Variants in LARP4B observed in about 807,000 individuals in gnomAD.
LARP4B encodes La ribonucleoprotein 4B, also known as la-related protein 4B.
A neutral mutation model predicts 89.8 loss-of-function variants in LARP4B; 12 were observed. The observed-to-expected ratio is 0.13, with a 90% confidence interval of 0.09 to 0.22. The LOEUF (loss-of-function observed/expected upper bound fraction) is 0.22. Ranked by LOEUF, LARP4B falls within the 10% of genes least tolerant of loss-of-function variation. LARP4B has a pLI of 1.00. For missense variants in LARP4B, 757 were observed against 947.7 expected (o/e 0.80, Z 2.64); for synonymous variants, 367 against 363.3 (o/e 1.01, Z -0.12).
intron 13 of LARP4B, among the ~76,000 whole-genome samples, chr10:824,484 C>A (rs1564384322): frequency 6.6e-6 from 1 of 151,116 alleles, no homozygotes; most frequent in Non-Finnish European, 1.5e-5. Flanking sequence ...CGGAGTGAGA[C>A]CCTGTCTTAA....
intron 3 of LARP4B, among the ~76,000 whole-genome samples, chr10:871,016 T>A (rs1835174143): frequency 6.6e-6 from 1 of 152,240 alleles, no homozygotes; most frequent in Non-Finnish European, 1.5e-5. Context: ...GGAGAGTACA[T>A]CCTGACTTGG....
intron 1 of LARP4B, among the ~76,000 whole-genome samples, chr10:886,443 CTGAG>C (rs1396175397): frequency 6.6e-6 from 1 of 152,166 alleles, no homozygotes; most frequent in Non-Finnish European, 1.5e-5. Flanking sequence ...ATTATCCTTT[CTGAG>C]TATTTATCCA....
chr10:874,756 A>G (rs1835390340), intron 3 of LARP4B, among the ~76,000 whole-genome samples: 1 of 152,202 alleles, frequency 6.6e-6, no homozygotes. Flanking sequence ...TAACATTTTT[A>G]TGATAAAAAG....
the LARP4B span, among the ~76,000 whole-genome samples, chr10:938,548 C>T: frequency 1.4e-4 from 22 of 152,286 alleles, no homozygotes; most frequent in Non-Finnish European, 2.2e-4. Flanking sequence ...CCACCGCGCC[C>T]GGCCGAATTG....
chr10:869,339 G>A (rs1337072943), intron 3 of LARP4B, among the ~76,000 whole-genome samples: 1 of 152,008 alleles, frequency 6.6e-6, no homozygotes, highest in Admixed American at 6.6e-5. Context: ...GCCCTCAAAG[G>A]GCTCTGACAA....
In LARP4B at chr10:818,040, G is replaced by C. The variant is rs1832155988; in HGVS notation, c.1531-151C>G. 1.4e-5 allele frequency: 10 copies of C among 708,642 alleles called. 1 individual carries two copies. In the South Asian group the frequency reaches 1.8e-4, roughly 12 times the overall value. 43.9% of individuals were successfully genotyped at this position (708,642 alleles called of 1,614,324 possible). The stretch of plus-strand genomic sequence containing the variant: ...CTCACTCAATTGAAGGTTCTCCCAA[G>C]CAACTTCAACCATCTAGAGCAGAGC... On this transcript the variant is annotated intron_variant, in intron 14 of 17. Transcript: ENST00000316157.
upstream of LARP4B, among the ~76,000 whole-genome samples, chr10:934,940 G>A (rs966458694): frequency 6.6e-6 from 1 of 152,126 alleles, no homozygotes; most frequent in Admixed American, 6.5e-5. Context: ...TCCTTAAAAA[G>A]CTTCATCACC....
intron 13 of LARP4B, 170 bp from the exon 14 acceptor site, chr10:821,015 CA>C (rs1278350231): frequency 6.5e-6 from 4 of 613,368 alleles, no homozygotes; most frequent in Non-Finnish European, 1.1e-5. Flanking sequence ...GAAGCGTAAG[CA>C]GAACAACACA....
intron 3 of LARP4B, among the ~76,000 whole-genome samples, chr10:874,481 C>A (rs2131892123): frequency 6.6e-6 from 1 of 152,330 alleles, no homozygotes; most frequent in Non-Finnish European, 1.5e-5. Context: ...TGGTGAAAAA[C>A]AGGCGTTGTC....
intron 15 of LARP4B, chr10:815,726 A>G (rs1202318341): frequency 2.6e-5 from 4 of 152,242 alleles, no homozygotes; most frequent in African/African-American, 4.8e-5. Flanking sequence ...TACATATGGC[A>G]TGTGATGATA....
intron 1 of LARP4B, among the ~76,000 whole-genome samples, chr10:915,494 C>CA (rs1313018856): frequency 2.0e-5 from 3 of 152,000 alleles, no homozygotes; most frequent in Non-Finnish European, 2.9e-5. Context: ...AACTGAGTAT[C>CA]AAAAAAGAGA....
rs1488802144 is a variant in LARP4B at position 822,992 on chromosome 10, G to A, written c.1484+2073C>T. On this transcript the variant is annotated intron_variant, in intron 13 of 17. Coordinates refer to ENST00000316157, the MANE Select transcript of LARP4B (RefSeq NM_015155.3). The surrounding 1 kb of genome is among the most constrained non-coding windows in gnomAD (Gnocchi z 4.6). ...AAAACAAACCCTCCCAAAAAGGGGA[G>A]GTGGAGGCATGGCTGCTGTGGATCA... Among the ~76,000 whole-genome samples, 2 of 152,224 alleles carry A rather than the reference G, an allele frequency of 1.3e-5. No individual in the cohort carries two copies. The highest frequency in any genetic ancestry group is 2.9e-5 in the Non-Finnish European group (2 of 68,036).
the LARP4B span, among the ~76,000 whole-genome samples, chr10:965,270 C>A: frequency 6.6e-6 from 1 of 152,196 alleles, no homozygotes; most frequent in South Asian, 2.1e-4. Flanking sequence ...CTCAGCGGAA[C>A]GTCCCAAGGA....
chr10:862,800 G>A (rs1343647383), intron 5 of LARP4B, among the ~76,000 whole-genome samples: 1 of 151,930 alleles, frequency 6.6e-6, no homozygotes, highest in Non-Finnish European at 1.5e-5. Flanking sequence ...TGCATTTCCA[G>A]TAACGTGTGG....
At chr10:958,080 A>G in the LARP4B span, among the ~76,000 whole-genome samples, 1 of 152,154 alleles carries the variant, frequency 6.6e-6, no homozygotes, top group Non-Finnish European at 1.5e-5. Context: ...TACAGGCGTG[A>G]GCCACGATGC....
intron 5 of LARP4B, among the ~76,000 whole-genome samples, chr10:851,541 GA>G (rs771226587): frequency 5.3e-5 from 8 of 152,172 alleles, no homozygotes; most frequent in Non-Finnish European, 1.2e-4. Flanking sequence ...GACTGATTGG[GA>G]TTATAAAGAA....
intron 3 of LARP4B, among the ~76,000 whole-genome samples, chr10:867,418 G>A (rs181872041): frequency 1.1e-4 from 16 of 152,158 alleles, no homozygotes; most frequent in Admixed American, 6.5e-4. Context: ...AAGCAATTGC[G>A]TTCAGCAAAA....
At chr10:964,837 AGACAGCTCAG>A in the LARP4B span, among the ~76,000 whole-genome samples, 1 of 152,204 alleles carries the variant, frequency 6.6e-6, no homozygotes, top group Admixed American at 6.5e-5. Context: ...TCATGGGCGT[AGACAGCTCAG>A]GACAGCACAG....
chr10:949,748 G>A, the LARP4B span, among the ~76,000 whole-genome samples: 11 of 152,166 alleles, frequency 7.2e-5, 1 homozygote, highest in South Asian at 8.3e-4. Context: ...TTTGCCATTC[G>A]TATCCTCTTT....
Sources: gnomAD v4.1 joint callset for allele counts (sites outside exome capture counted in the v4.1 genomes callset) on GRCh38, gnomAD v4.1.1 for gene constraint, Gnocchi (gnomAD v3.1) non-coding constraint, MANE v1.5 for transcripts, NCBI Gene and HGNC (gene_info 2026-07-23, HGNC 2026-07-21) for gene names.